Variants in UBN2 observed in about 807,000 individuals in gnomAD.
The protein encoded by UBN2 is ubinuclein 2, also known as ubinuclein-2.
UBN2 carries 35 observed loss-of-function variants against 120.2 expected under a neutral mutation model. The ratio of observed to expected loss-of-function variants is 0.29; its 90% confidence interval spans 0.22 to 0.39. The LOEUF is 0.39. Ranked by LOEUF, UBN2 falls within the 10% of genes least tolerant of loss-of-function variation. UBN2 has a pLI of 1.00. For missense variants in UBN2, 1,693 were observed against 1,663.2 expected, an observed-to-expected ratio of 1.02 and a Z score of -0.31; for synonymous variants, 661 against 648.7, an observed-to-expected ratio of 1.02 and a Z score of -0.29.
downstream of UBN2, among the ~76,000 whole-genome samples, chr7:139,310,491 G>A (rs527967256): frequency 6.6e-6 from 1 of 152,216 alleles, no homozygotes; most frequent in South Asian, 2.1e-4. Flanking sequence ...AGCATACCTG[G>A]CTAGGCACAG....
chr7:139,321,507 T>G, the UBN2 span, among the ~76,000 whole-genome samples: 6 of 152,326 alleles, frequency 3.9e-5, no homozygotes, highest in African/African-American at 1.4e-4. Flanking sequence ...AGAGTTCCTG[T>G]AGGCCTGCCG....
Position 139,261,669 on chromosome 7 carries a change from G to C in UBN2, c.1323G>C (p.Met441Ile), listed in dbSNP as rs1402183071. 6.2e-7 allele frequency: 1 copy of C among 1,614,186 alleles called. No homozygotes were observed. The highest frequency in any genetic ancestry group is 1.3e-5 in the African/African-American group (1 of 75,042). Residue 441 changes from methionine to isoleucine, a missense_variant, in exon 6 of 18, where the codon ATG (methionine) becomes ATC (isoleucine). By Grantham distance (10) the Met-to-Ile change is conservative. Coordinates refer to ENST00000473989, the MANE Select transcript of UBN2 (RefSeq NM_173569.4). ...AGCCAACCTACACTTCTCAGGTTAT[G>C]CCCAAAGTGGTACCTACACTCCCAG... is the stretch of plus-strand genomic sequence containing the variant. ...TTQPTYTSQV[M>I]PKVVPTLPEG...
intron 3 of UBN2, among the ~76,000 whole-genome samples, chr7:139,257,577 A>G (rs111426452): frequency 0.092 from 13,880 of 151,522 alleles, 1,121 homozygotes; most frequent in Admixed American, 0.21. Flanking sequence ...CGCCCGGCTA[A>G]TTTTTTGTGT....
intron 6 of UBN2, among the ~76,000 whole-genome samples, chr7:139,263,782 A>C (rs1464339590): frequency 6.6e-6 from 1 of 152,044 alleles, no homozygotes; most frequent in Non-Finnish European, 1.5e-5. Flanking sequence ...AAAAAAAAAA[A>C]AATAGGAATA....
At chr7:139,275,272 T>G (rs1797407784) in intron 11 of UBN2, among the ~76,000 whole-genome samples, 1 of 130,992 alleles carries the variant, frequency 7.6e-6, no homozygotes, top group Non-Finnish European at 1.6e-5. Context: ...AGCAAAACTC[T>G]GTCTCAAAAA....
intron 5 of UBN2, among the ~76,000 whole-genome samples, chr7:139,260,480 T>C (rs766769527): frequency 2.2e-4 from 34 of 152,156 alleles, no homozygotes; most frequent in Non-Finnish European, 4.4e-4. Flanking sequence ...AATAAAATAT[T>C]TGTATAATGC....
Position 139,306,293 on chromosome 7 carries a change from C to G in UBN2, c.*8457C>G, listed in dbSNP as rs1285307731. The G allele has an allele frequency of 6.6e-6, 1 of 152,216 alleles. No homozygotes were observed. The highest frequency in any genetic ancestry group is 1.5e-5 in the Non-Finnish European group (1 of 68,038). 9.4% of individuals were successfully genotyped at this position (152,216 alleles called of 1,614,324 possible). ...TGTGCTTGCAGCCATAAGCTTTCCT[C>G]CTTTTTTGCTTATCCCTGCTGTTTG... On this transcript the variant is annotated 3_prime_UTR_variant, in exon 18 of 18. Coordinates refer to ENST00000473989, the MANE Select transcript of UBN2 (RefSeq NM_173569.4).
intron 2 of UBN2, among the ~76,000 whole-genome samples, chr7:139,244,673 G>A (rs1309349900): frequency 1.3e-5 from 2 of 151,834 alleles, no homozygotes; most frequent in Non-Finnish European, 2.9e-5. Context: ...TATTCTTTGA[G>A]CATTTTATAC....
At chr7:139,271,584 CAAA>C (rs1367288138) in intron 8 of UBN2, among the ~76,000 whole-genome samples, 1 of 85,302 alleles carries the variant, frequency 1.2e-5, no homozygotes. Flanking sequence ...ACTCTGTCTC[CAAA>C]AAAAAAAAAA....
At chr7:139,277,670 C>G (rs1203018188) in intron 12 of UBN2, 3 of 152,000 alleles carry the variant, frequency 2.0e-5, no homozygotes, top group South Asian at 4.1e-4. Context: ...TACTTTGTTG[C>G]AAGAGTTTTT....
Position 139,255,709 on chromosome 7 carries a change from A to G in UBN2, c.664-2779A>G, listed in dbSNP as rs114589537. ...GATTCTTGTTCTTTTCATTTATTGTATTGCCAGTAAGCTTTCAGTGTTGGC... is the reference window on the plus strand; with the variant it reads ...GATTCTTGTTCTTTTCATTTATTGTGTTGCCAGTAAGCTTTCAGTGTTGGC... On this transcript the variant is annotated intron_variant, in intron 3 of 17. Coordinates refer to ENST00000473989, the MANE Select transcript of UBN2 (RefSeq NM_173569.4). Among the ~76,000 whole-genome samples the G allele has an allele frequency of 2.8e-3, 424 of 152,214 alleles. 3 individuals are homozygous for G. Among genetic ancestry groups the G allele is most frequent in the African/African-American group, 9.7e-3 (404 of 41,526 alleles).
rs1305267546 is a variant in UBN2, at chr7:139,298,188, C to T, written c.*352C>T. ...TGAAGAGAATTTGGGTAAACTCCAT[C>T]CATCCTGGGGGTTGGATCTGAACAC... On this transcript the variant is annotated 3_prime_UTR_variant, in exon 18 of 18. Transcript: ENST00000473989. 4.1e-6 allele frequency: 1 copy of T among 241,654 alleles called. No homozygotes were observed. 15.0% of individuals were successfully genotyped at this position (241,654 alleles called of 1,614,324 possible).
chr7:139,317,651 T>G, the UBN2 span, among the ~76,000 whole-genome samples: 1 of 151,928 alleles, frequency 6.6e-6, no homozygotes, highest in Non-Finnish European at 1.5e-5. Context: ...TTTCAGCTAT[T>G]CTTGTTGTTT....
In UBN2 at chr7:139,274,087, A is replaced by T; in HGVS notation, c.1973+13A>T. The stretch of plus-strand genomic sequence containing the variant: ...GGATGCAGGCAAGGTAAGAAATGTG[A>T]CTTACTGGATTTTATTTTATTTTAT... On this transcript the variant is annotated intron_variant, in intron 11 of 17. Coordinates refer to ENST00000473989, the MANE Select transcript of UBN2 (RefSeq NM_173569.4). 6.3e-7 allele frequency: 1 copy of T among 1,575,228 alleles called. No homozygotes were observed. Among genetic ancestry groups the T allele is most frequent in the Non-Finnish European group, 8.6e-7 (1 of 1,168,652 alleles).
rs1041219312 is a variant in UBN2, at chr7:139,268,343, G to A, written c.1467-1051G>A. On this transcript the variant is annotated intron_variant, in intron 7 of 17. Coordinates refer to ENST00000473989, the MANE Select transcript of UBN2 (RefSeq NM_173569.4). ...TCTTATTCCCTCAGCCTCTTTTTCC[G>A]CTTTCCTAAACAAACATGTCTTATT... Among the ~76,000 whole-genome samples the A allele has an allele frequency of 5.3e-5, 8 of 150,930 alleles. No homozygotes were observed. The East Asian group carries it at 9.7e-4, about 18-fold the overall frequency.
chr7:139,233,305 G>A (rs1449655417), intron 1 of UBN2, among the ~76,000 whole-genome samples: 1 of 152,052 alleles, frequency 6.6e-6, no homozygotes, highest in Non-Finnish European at 1.5e-5. Flanking sequence ...TAAATCTGAG[G>A]TCACTTTTTT....
rs182253557 is a variant in UBN2, at chr7:139,295,362, T to A, written c.3994+1381T>A. On this transcript the variant is annotated intron_variant, in intron 17 of 17. Coordinates refer to ENST00000473989, the MANE Select transcript of UBN2 (RefSeq NM_173569.4). Reference sequence around the variant, plus strand: ...CTAGTTTAAATATCTAAAGAGAATTTCCCTGTGACTAAAGCATGTCCCCCC... The same window carrying A: ...CTAGTTTAAATATCTAAAGAGAATTACCCTGTGACTAAAGCATGTCCCCCC... 9.9e-5 allele frequency among the ~76,000 whole-genome samples: 15 copies of A among 152,142 alleles called. No individual in the cohort carries two copies. In the East Asian group the frequency reaches 2.9e-3, roughly 29 times the overall value.
At chr7:139,309,330 A>G (rs1798416764), downstream of UBN2, among the ~76,000 whole-genome samples, 1 of 152,238 alleles carries the variant, frequency 6.6e-6, no homozygotes, top group Non-Finnish European at 1.5e-5. Flanking sequence ...TAAGAAGTTA[A>G]AAAAGACATG....
chr7:139,286,771 A>G (rs1797802063), intron 15 of UBN2, among the ~76,000 whole-genome samples: 3 of 152,174 alleles, frequency 2.0e-5, no homozygotes, highest in Admixed American at 2.0e-4. Context: ...TCTCCTATTT[A>G]TGTGGAACAG....
Sources: allele counts gnomAD v4.1 joint callset (sites outside exome capture counted in the v4.1 genomes callset), GRCh38; gene constraint gnomAD v4.1.1; transcripts MANE v1.5; gene names NCBI Gene and HGNC (gene_info 2026-07-23, HGNC 2026-07-21).